Variants in CACNA2D1 observed in about 807,000 individuals in gnomAD.
CACNA2D1 encodes the protein voltage-dependent calcium channel subunit alpha-2/delta-1.
Under a neutral mutation model 171.5 loss-of-function variants are expected in CACNA2D1, and 53 were observed. That is an observed-to-expected ratio of 0.31 (90% confidence interval 0.25 to 0.39). The LOEUF is 0.39. Among genes scored for constraint, CACNA2D1 ranks in the 10% least tolerant of loss-of-function variants. The pLI is 1.00. For synonymous variants in CACNA2D1, 442 were observed against 443.1 expected (o/e 1.00, Z 0.03); for missense variants, 903 against 1,299.8 (o/e 0.69, Z 4.69).
rs891396750 is a variant in CACNA2D1 at position 82,237,174 on chromosome 7, A to G, written c.295-66565T>C. Among the ~76,000 whole-genome samples, 3 of 152,106 alleles carry G rather than the reference A, an allele frequency of 2.0e-5. No homozygotes were observed. The East Asian group carries it at 5.8e-4, about 29-fold the overall frequency. ...TTATGTAAAAAGTAAAGACCAGAAA[A>G]AAATATGTTCTAAATTCTAAAAAAA... is the stretch of plus-strand genomic sequence containing the variant. On this transcript the variant is annotated intron_variant, in intron 3 of 38. Coordinates refer to ENST00000356860, the MANE Select transcript of CACNA2D1 (RefSeq NM_000722.4).
At chr7:82,197,663 A>G (rs1275491720) in intron 3 of CACNA2D1, among the ~76,000 whole-genome samples, 1 of 152,126 alleles carries the variant, frequency 6.6e-6, no homozygotes, top group Non-Finnish European at 1.5e-5. Context: ...CATGTGCCTC[A>G]GGGACGACAC....
chr7:81,957,286 T>C (rs1445425132), intron 38 of CACNA2D1, among the ~76,000 whole-genome samples: 1 of 152,108 alleles, frequency 6.6e-6, no homozygotes, highest in Admixed American at 6.6e-5. Context: ...TCATTTAGGA[T>C]TAGAAATGTA....
At position 82,335,256 on chromosome 7, in the gene CACNA2D1, G is replaced by A; in HGVS notation, c.178-5C>T. On this transcript the variant is annotated splice_polypyrimidine_tract_variant and splice_region_variant and intron_variant, in intron 2 of 38. Transcript: ENST00000356860. Reference sequence around the variant, plus strand: ...ATCTTGATATTTCTCATAAATCTGTGTGAAAGAAAAAAAAAACTAGTAAGA... The same window carrying A: ...ATCTTGATATTTCTCATAAATCTGTATGAAAGAAAAAAAAAACTAGTAAGA... The A allele has an allele frequency of 1.3e-6, 2 of 1,528,034 alleles. No individual in the cohort carries two copies. The highest frequency in any genetic ancestry group is 1.8e-6 in the Non-Finnish European group (2 of 1,105,602). 94.7% of individuals were successfully genotyped at this position (1,528,034 alleles called of 1,614,324 possible). A position where few individuals can be genotyped will look rare whatever the true frequency, so the allele number is the denominator to read the frequency against.
At chr7:82,275,066 T>C (rs964888744) in intron 3 of CACNA2D1, among the ~76,000 whole-genome samples, 1 of 152,192 alleles carries the variant, frequency 6.6e-6, no homozygotes, top group African/African-American at 2.4e-5. Context: ...ATGCAAGCAC[T>C]AAGCAAATTT....
chr7:82,032,996 T>C, intron 11 of CACNA2D1, 95 bp from the exon 12 acceptor site: 1 of 740,174 alleles, frequency 1.4e-6, no homozygotes, highest in Admixed American at 1.9e-5. Context: ...AGGTTGCAAG[T>C]AATTAATGAA....
intron 27 of CACNA2D1, among the ~76,000 whole-genome samples, 157 bp from the exon 28 acceptor site, chr7:81,970,141 G>A (rs138876509): frequency 3.9e-4 from 59 of 151,512 alleles, no homozygotes; most frequent in African/African-American, 1.4e-3. Context: ...TCATTACTGA[G>A]CAATGCATCA....
At chr7:82,166,273 G>A (rs893617339) in intron 4 of CACNA2D1, among the ~76,000 whole-genome samples, 5 of 151,866 alleles carry the variant, frequency 3.3e-5, no homozygotes, top group Admixed American at 1.3e-4. Flanking sequence ...ACTCAATAAC[G>A]TACAACTTCA....
chr7:82,119,946 C>T (rs1043175533), intron 5 of CACNA2D1, among the ~76,000 whole-genome samples: 1 of 152,140 alleles, frequency 6.6e-6, no homozygotes, highest in Non-Finnish European at 1.5e-5. Flanking sequence ...CTTTGGGAGG[C>T]CCAGGCTGGA....
intron 1 of CACNA2D1, among the ~76,000 whole-genome samples, chr7:82,423,511 G>A (rs1029417979): frequency 1.3e-5 from 2 of 152,140 alleles, no homozygotes; most frequent in Non-Finnish European, 2.9e-5. Flanking sequence ...AATAGTAAAT[G>A]TTCTAAAGAG....
At chr7:82,026,462 C>T (rs1225121523) in intron 12 of CACNA2D1, among the ~76,000 whole-genome samples, 2 of 151,486 alleles carry the variant, frequency 1.3e-5, no homozygotes, top group African/African-American at 4.8e-5. Flanking sequence ...TTTAAGAGTA[C>T]TGAGCATTTA....
intron 3 of CACNA2D1, among the ~76,000 whole-genome samples, chr7:82,318,440 T>TA (rs1477120579): frequency 6.6e-5 from 10 of 152,078 alleles, no homozygotes; most frequent in Admixed American, 6.6e-5. Flanking sequence ...TTTTCACACA[T>TA]AAAAAACTAA....
rs1176981427 is a variant in CACNA2D1, at chr7:81,964,321, C to T, written c.2613G>A (p.Met871Ile). 6.2e-7 allele frequency: 1 copy of T among 1,611,994 alleles called. No individual in the cohort carries two copies. Among genetic ancestry groups the T allele is most frequent in the Non-Finnish European group, 8.5e-7 (1 of 1,178,696 alleles). ...AAACTGATATATTAACCAGGTGTCTCATCAAGCTGGGATCAATCTCTCCAA... is the reference window on the plus strand; with the variant it reads ...AAACTGATATATTAACCAGGTGTCTTATCAAGCTGGGATCAATCTCTCCAA... ...RFFGEIDPSL[M>I]RHLVNISVYA... Residue 871 changes from methionine to isoleucine, a missense_variant, in exon 33 of 39, where the codon ATG (methionine) becomes ATA (isoleucine). Transcript: ENST00000356860.
At chr7:82,093,111 A>G (rs1444678626) in intron 6 of CACNA2D1, among the ~76,000 whole-genome samples, 1 of 152,108 alleles carries the variant, frequency 6.6e-6, no homozygotes, top group Non-Finnish European at 1.5e-5. Context: ...TGCAAAAACT[A>G]TTCTCACCCA....
At chr7:82,342,038 C>T (rs149421676) in intron 2 of CACNA2D1, among the ~76,000 whole-genome samples, 5,100 of 117,342 alleles carry the variant, frequency 0.043, 130 homozygotes, top group Middle Eastern at 0.083. Flanking sequence ...TGGGCTACAG[C>T]GCGAGACTCC....
At chr7:82,296,827 A>C (rs1812341795) in intron 3 of CACNA2D1, among the ~76,000 whole-genome samples, 1 of 152,128 alleles carries the variant, frequency 6.6e-6, no homozygotes, top group Admixed American at 6.5e-5. Flanking sequence ...AATAAATAAG[A>C]ATCTATGAGA....
Position 81,950,547 on chromosome 7 carries a change from A to T in CACNA2D1, c.3160-39T>A, listed in dbSNP as rs747954084. ...AAAAAGAAAAGAACAGAAAAAGAAA[A>T]ATCTAAAAATCTTGAAAAATATTTA... On this transcript the variant is annotated intron_variant, in intron 38 of 38. Transcript: ENST00000356860. 13 of 1,570,138 alleles carry T rather than the reference A, an allele frequency of 8.3e-6. No homozygotes were observed. In the Admixed American group the frequency reaches 1.9e-4, roughly 23 times the overall value.
At chr7:81,982,365 G>A (rs1796528283) in intron 24 of CACNA2D1, among the ~76,000 whole-genome samples, 1 of 152,130 alleles carries the variant, frequency 6.6e-6, no homozygotes, top group South Asian at 2.1e-4. Context: ...TTGACCTTGT[G>A]ATCCACCAGC....
intron 3 of CACNA2D1, among the ~76,000 whole-genome samples, chr7:82,305,512 C>A (rs115187079): frequency 6.6e-6 from 1 of 152,090 alleles, no homozygotes; most frequent in Non-Finnish European, 1.5e-5. Flanking sequence ...CACAGCCTAC[C>A]ATCCATTATT....
At chr7:82,084,924 T>G in intron 6 of CACNA2D1, 24 bp from the exon 7 acceptor site, 1 of 1,582,756 alleles carries the variant, frequency 6.3e-7, no homozygotes, top group East Asian at 2.2e-5. Context: ...GAGAAACCAT[T>G]AATTAATTCA....
Sources: gnomAD v4.1 joint callset for allele counts (sites outside exome capture counted in the v4.1 genomes callset) on GRCh38, gnomAD v4.1.1 for gene constraint, MANE v1.5 for transcripts, NCBI Gene and HGNC (gene_info 2026-07-23, HGNC 2026-07-21) for gene names.